NUBP1: variants seen among roughly 807,000 people sequenced by gnomAD.
The protein encoded by NUBP1 is NUBP iron-sulfur cluster assembly factor 1, cytosolic, also known as cytosolic Fe-S cluster assembly factor NUBP1.
Under a neutral mutation model 41.8 loss-of-function variants are expected in NUBP1, and 46 were observed. The ratio of observed to expected loss-of-function variants is 1.10; its 90% CI spans 0.87 to 1.41. The LOEUF is 1.41. NUBP1 is among the 40% of genes most tolerant of loss of function. NUBP1 has a pLI of 0.00. For missense variants in NUBP1, 494 were observed against 414.0 expected, an observed-to-expected ratio of 1.19 and a Z score of -1.68; for synonymous variants, 189 against 154.6, an observed-to-expected ratio of 1.22 and a Z score of -1.65.
At chr16:10,746,808 A>G (rs8050214) in intron 2 of NUBP1, among the ~76,000 whole-genome samples, 2,276 of 152,270 alleles carry the variant, frequency 0.015, 73 homozygotes, top group African/African-American at 0.051. Context: ...TTTGTCCCCA[A>G]GTTGGTGACC....
chr16:10,745,458 GA>G (rs779403195), intron 2 of NUBP1, among the ~76,000 whole-genome samples: 3,326 of 146,104 alleles, frequency 0.023, 291 homozygotes, highest in Admixed American at 0.17. Context: ...CTGTCTCAAA[GA>G]AAAAAAAAAA....
At chr16:10,760,509 G>T (rs1900872232) in intron 7 of NUBP1, among the ~76,000 whole-genome samples, 2 of 152,236 alleles carry the variant, frequency 1.3e-5, no homozygotes, top group South Asian at 4.1e-4. Flanking sequence ...ACTCTGGGAG[G>T]CCGAGGCAGG....
At chr16:10,762,813 G>T (rs1352714592) in intron 9 of NUBP1, among the ~76,000 whole-genome samples, 1 of 148,708 alleles carries the variant, frequency 6.7e-6, no homozygotes, top group Non-Finnish European at 1.5e-5. Flanking sequence ...GGGGCCGCGT[G>T]CTTGGGGAGA....
At chr16:10,752,304 C>T (rs1900356129) in intron 3 of NUBP1, among the ~76,000 whole-genome samples, 2 of 152,292 alleles carry the variant, frequency 1.3e-5, no homozygotes, top group South Asian at 4.1e-4. Context: ...TCCCCGTCTC[C>T]TCCAACCAGG....
intron 9 of NUBP1, among the ~76,000 whole-genome samples, chr16:10,763,064 G>T (rs2030250354): frequency 6.6e-6 from 1 of 152,084 alleles, no homozygotes; most frequent in African/African-American, 2.4e-5. Flanking sequence ...GCATCTGAGG[G>T]TCAAGGTTGT....
rs749504011 is a variant in NUBP1, at chr16:10,768,047, G to T, written c.904+15G>T. 2.2e-5 allele frequency: 35 copies of T among 1,612,128 alleles called. No homozygotes were observed. Among genetic ancestry groups the T allele is most frequent in the Non-Finnish European group, 2.9e-5 (34 of 1,178,394 alleles). ...TATAATTCAGAGTAAGTATTTCCAT[G>T]AGTACTAAATGCAGATGCCTGTGGG... On this transcript the variant is annotated intron_variant, in intron 10 of 10. Coordinates refer to ENST00000283027, the MANE Select transcript of NUBP1 (RefSeq NM_002484.4). The surrounding 1 kb of genome is among the most constrained non-coding windows in gnomAD (Gnocchi z 4.3).
rs1469720210 is a variant in NUBP1 at position 10,747,296 on chromosome 16, T to G, written c.258+20T>G. The G allele has an allele frequency of 1.9e-6, 3 of 1,610,792 alleles. No individual in the cohort carries two copies. Among genetic ancestry groups the G allele is most frequent in the South Asian group, 2.2e-5 (2 of 90,940 alleles). Reference sequence around the variant, plus strand: ...ACACAGGTGAGACCTCAGGAACCACTGGGAGATGCTCATTTTGTCTGAGGG... The same window carrying G: ...ACACAGGTGAGACCTCAGGAACCACGGGGAGATGCTCATTTTGTCTGAGGG... On this transcript the variant is annotated intron_variant, in intron 3 of 10. Transcript: ENST00000283027.
chr16:10,767,963 A>G lies in NUBP1; in HGVS notation c.835A>G (p.Lys279Glu). The stretch of plus-strand genomic sequence containing the variant: ...TCTTTTTTAAGGTAAGAATTGTGAC[A>G]AAGGCCAGTCTTTTTTCATTGACGC... ...LDPLIGKNCD[K>E]GQSFFIDAPD... Residue 279 changes from lysine to glutamate, a missense_variant, in exon 10 of 11, where the codon AAA (lysine) becomes GAA (glutamate). Coordinates refer to ENST00000283027, the MANE Select transcript of NUBP1 (RefSeq NM_002484.4). This position sits in a 1 kb window ranked among gnomAD's most constrained non-coding sequence, Gnocchi z 4.6. 6.2e-7 allele frequency: 1 copy of G among 1,614,142 alleles called. No individual in the cohort carries two copies. Among genetic ancestry groups the G allele is most frequent in the East Asian group, 2.2e-5 (1 of 44,884 alleles).
intron 5 of NUBP1, 120 bp from the exon 6 acceptor site, chr16:10,756,570 T>G (rs1442958723): frequency 1.2e-5 from 7 of 580,404 alleles, no homozygotes; most frequent in Admixed American, 4.1e-5. Flanking sequence ...ATAGGTCACA[T>G]GGTAGTTTTG....
At position 10,767,784 on chromosome 16, in the gene NUBP1, G is replaced by A. The variant is rs1474927010; in HGVS notation, c.821-165G>A. 3.2e-6 allele frequency: 2 copies of A among 624,268 alleles called. No homozygotes were observed. The highest frequency in any genetic ancestry group is 1.8e-5 in the African/African-American group (1 of 54,190). The allele number at this position is 624,268 out of a possible 1,614,324, so 38.7% of individuals were successfully genotyped here. On this transcript the variant is annotated intron_variant, in intron 9 of 10. Transcript: ENST00000283027. The surrounding 1 kb of genome is among the most constrained non-coding windows in gnomAD (Gnocchi z 4.6). ...TGCTGGCTGGGGACCCTGCTGGAAG[G>A]AAGGTCCCTGAGACCCCACTGGTCT... is the stretch of plus-strand genomic sequence containing the variant.
At position 10,767,806 on chromosome 16, in the gene NUBP1, G is replaced by A. The variant is rs1481275891; in HGVS notation, c.821-143G>A. On this transcript the variant is annotated intron_variant, in intron 9 of 10. Transcript: ENST00000283027. The surrounding 1 kb of genome is among the most constrained non-coding windows in gnomAD (Gnocchi z 4.6). The stretch of plus-strand genomic sequence containing the variant: ...AAGGAAGGTCCCTGAGACCCCACTG[G>A]TCTTTTCTACTTTGTTCTTCATTAC... The A allele has an allele frequency of 1.4e-6, 1 of 715,016 alleles. No homozygotes were observed. Among genetic ancestry groups the A allele is most frequent in the Non-Finnish European group, 2.4e-6 (1 of 422,050 alleles). 44.3% of individuals were successfully genotyped at this position (715,016 alleles called of 1,614,324 possible). A position where few individuals can be genotyped will look rare whatever the true frequency, so the allele number is the denominator to read the frequency against.
At chr16:10,745,537 T>C (rs1201994922) in intron 2 of NUBP1, among the ~76,000 whole-genome samples, 5 of 152,242 alleles carry the variant, frequency 3.3e-5, no homozygotes, top group Admixed American at 6.5e-5. Flanking sequence ...TGGAGGTTTA[T>C]TGGGCCAGAG....
rs1213251883 is a variant in NUBP1 at position 10,766,807 on chromosome 16, AC to A, written c.821-1141del. On this transcript the variant is annotated intron_variant, in intron 9 of 10. Coordinates refer to ENST00000283027, the MANE Select transcript of NUBP1 (RefSeq NM_002484.4). The surrounding 1 kb of genome is among the most constrained non-coding windows in gnomAD (Gnocchi z 4.8). ...TGTTTAAATACCCTCTACTTGAGGT[AC>A]GCCCTATATAAACGAAAAGGATGAA... is the stretch of plus-strand genomic sequence containing the variant. The A allele has an allele frequency of 7.5e-6, 3 of 397,436 alleles. No individual in the cohort carries two copies. The Admixed American group carries it at 1.3e-4, about 18-fold the overall frequency. 24.6% of individuals were successfully genotyped at this position (397,436 alleles called of 1,614,324 possible).
chr16:10,748,112 G>C (rs1269239798), intron 3 of NUBP1, among the ~76,000 whole-genome samples: 1 of 151,946 alleles, frequency 6.6e-6, no homozygotes, highest in Non-Finnish European at 1.5e-5. Flanking sequence ...CACCATGCCC[G>C]GCTAATTTTT....
intron 4 of NUBP1, among the ~76,000 whole-genome samples, chr16:10,753,984 T>G (rs1427759690): frequency 6.6e-6 from 1 of 152,136 alleles, no homozygotes; most frequent in African/African-American, 2.4e-5. Context: ...GATGTCACCC[T>G]GTGAGGCTTG....
chr16:10,754,736 G>A (rs1459825394), intron 4 of NUBP1, among the ~76,000 whole-genome samples: 2 of 152,032 alleles, frequency 1.3e-5, no homozygotes, highest in Non-Finnish European at 2.9e-5. Flanking sequence ...CTTCTTAAGA[G>A]TCAGGCAAAT....
In NUBP1 at chr16:10,758,027, G is replaced by C. The variant is rs769583204; in HGVS notation, c.606G>C (p.Gln202His). Residue 202 changes from glutamine to histidine, a missense_variant and splice_region_variant, in exon 7 of 11, where the codon CAG becomes CAC. Physicochemically the swap from Gln to His is conservative, Grantham distance 24 (BLOSUM62 0). Coordinates refer to ENST00000283027, the MANE Select transcript of NUBP1 (RefSeq NM_002484.4). Reference sequence around the variant, plus strand: ...GAGCAGTGATCATCACCACTCCCCAGGTGAGCGAGCTGCCAGCTGGAGCTG... The same window carrying C: ...GAGCAGTGATCATCACCACTCCCCACGTGAGCGAGCTGCCAGCTGGAGCTG... ...IDGAVIITTP[Q>H]EVSLQDVRKE... 7.4e-6 allele frequency: 12 copies of C among 1,611,724 alleles called. 1 individual carries two copies. The South Asian group carries it at 1.3e-4, about 18-fold the overall frequency.
rs762848192 is a variant in NUBP1 at position 10,747,228 on chromosome 16, A to G, written c.210A>G (p.Thr70=). ...LSGKGGVGKS[T]FSAHLAHGLA... ...GGAAAGGCGGTGTTGGGAAAAGCAC[A>G]TTCAGCGCCCACCTTGCCCATGGCC... The change falls in exon 3 of 11, where the codon ACA becomes ACG. Residue 70 remains threonine (T), a synonymous_variant. Coordinates refer to ENST00000283027, the MANE Select transcript of NUBP1 (RefSeq NM_002484.4). The G allele has an allele frequency of 3.1e-6, 5 of 1,614,258 alleles. No homozygotes were observed. Among genetic ancestry groups the G allele is most frequent in the Non-Finnish European group, 4.2e-6 (5 of 1,180,050 alleles).
intron 2 of NUBP1, among the ~76,000 whole-genome samples, chr16:10,744,907 G>A (rs957049077): frequency 2.6e-5 from 4 of 151,992 alleles, no homozygotes; most frequent in Admixed American, 1.3e-4. Flanking sequence ...ACAGGCGCCT[G>A]CCACCACGGC....
Sources: allele counts gnomAD v4.1 joint callset (sites outside exome capture counted in the v4.1 genomes callset), GRCh38; gene constraint gnomAD v4.1.1; non-coding constraint Gnocchi (gnomAD v3.1); transcripts MANE v1.5; gene names NCBI Gene and HGNC (gene_info 2026-07-23, HGNC 2026-07-21).